The following APP variants were observed in gnomAD, a reference collection of about 807,000 sequenced individuals.
APP encodes the protein amyloid-beta precursor protein.
In APP, 31 loss-of-function variants were observed where a neutral mutation model predicts 101.4. The observed-to-expected ratio is 0.31, with a 90% CI of 0.23 to 0.41. The LOEUF is 0.41. Ranked by LOEUF, APP falls within the 10% of genes least tolerant of loss-of-function variation. The pLI is 1.00. For synonymous variants in APP, 366 were observed against 364.4 expected (o/e 1.00, Z -0.05); for missense variants, 839 against 1,003.7 (o/e 0.84, Z 2.22).
intron 1 of APP, among the ~76,000 whole-genome samples, chr21:26,122,858 T>C (rs1313207828): frequency 6.6e-6 from 1 of 152,036 alleles, no homozygotes; most frequent in African/African-American, 2.4e-5. Flanking sequence ...ACAAAAAGAA[T>C]TTACTCCGTG....
intron 2 of APP, among the ~76,000 whole-genome samples, chr21:26,109,283 T>G (rs1167981583): frequency 6.6e-6 from 1 of 152,192 alleles, no homozygotes; most frequent in Admixed American, 6.5e-5. Context: ...GTGTTGGAAG[T>G]GGGGTCTGGT....
intron 11 of APP, among the ~76,000 whole-genome samples, chr21:25,966,231 T>C (rs2041792158): frequency 6.6e-6 from 1 of 152,198 alleles, no homozygotes; most frequent in Non-Finnish European, 1.5e-5. Context: ...ATGTATACCA[T>C]TCAGCATAGT....
intron 5 of APP, among the ~76,000 whole-genome samples, chr21:26,045,514 T>C (rs1041660942): frequency 6.6e-6 from 1 of 152,258 alleles, no homozygotes; most frequent in Admixed American, 6.5e-5. Flanking sequence ...ATATTTACTA[T>C]GTTAACTCTT....
At chr21:25,957,013 C>A (rs2041351512) in intron 11 of APP, among the ~76,000 whole-genome samples, 1 of 152,166 alleles carries the variant, frequency 6.6e-6, no homozygotes, top group Non-Finnish European at 1.5e-5. Flanking sequence ...GTGCTTGACC[C>A]AGAGGGTGCT....
chr21:25,969,494 A>G (rs1034504883), intron 11 of APP, among the ~76,000 whole-genome samples: 1 of 152,202 alleles, frequency 6.6e-6, no homozygotes, highest in East Asian at 1.9e-4. Context: ...ATGGCAAGTA[A>G]TGCCCCCTAG....
At chr21:25,925,191 C>T (rs973476357) in intron 13 of APP, among the ~76,000 whole-genome samples, 3 of 151,468 alleles carry the variant, frequency 2.0e-5, no homozygotes, top group African/African-American at 7.3e-5. Flanking sequence ...CCACTTCCAG[C>T]TAGGCATTTT....
intron 17 of APP, among the ~76,000 whole-genome samples, chr21:25,883,304 G>A (rs1056942579): frequency 2.0e-5 from 3 of 152,140 alleles, no homozygotes; most frequent in Non-Finnish European, 4.4e-5. Flanking sequence ...TCCACAGGCG[G>A]AGGCAGGAGA....
Position 25,947,073 on chromosome 21 carries a change from A to C in APP, c.1687+7517T>G, listed in dbSNP as rs145273361. On this transcript the variant is annotated intron_variant, in intron 13 of 17. Coordinates refer to ENST00000346798, the MANE Select transcript of APP (RefSeq NM_000484.4). ...TATGGAGTAGAAATACATAAAAGAA[A>C]GTATCTGTTTGCCAATGGTAAAACT... is the stretch of plus-strand genomic sequence containing the variant. Among the ~76,000 whole-genome samples the C allele has an allele frequency of 1.2e-4, 18 of 152,360 alleles. No homozygotes were observed. The East Asian group carries it at 3.5e-3, about 29-fold the overall frequency.
chr21:25,905,490 T>C (rs911223248), intron 14 of APP, among the ~76,000 whole-genome samples: 3 of 152,238 alleles, frequency 2.0e-5, no homozygotes, highest in African/African-American at 7.2e-5. Context: ...TATCTTATTT[T>C]ACAGTTAATT....
At position 26,100,975 on chromosome 21, in the gene APP, G is replaced by A. The variant is rs183568764; in HGVS notation, c.226-10903C>T. Among the ~76,000 whole-genome samples the A allele has an allele frequency of 4.0e-3, 604 of 151,844 alleles. 7 individuals are homozygous for A. The highest frequency in any genetic ancestry group is 0.014 in the African/African-American group (583 of 41,380). On this transcript the variant is annotated intron_variant, in intron 2 of 17. Transcript: ENST00000346798. ...CTGCCCTGCAGTGTAAGTTACCAGA[G>A]ACATCAACACCTTCAAGAAGCCCCT...
At chr21:26,092,665 G>C (rs555456986) in intron 2 of APP, among the ~76,000 whole-genome samples, 1 of 152,302 alleles carries the variant, frequency 6.6e-6, no homozygotes, top group Admixed American at 6.5e-5. Flanking sequence ...TGAACCCTCA[G>C]GGAAACTATG....
chr21:25,900,522 T>A (rs999705655), intron 15 of APP, among the ~76,000 whole-genome samples: 11 of 151,928 alleles, frequency 7.2e-5, no homozygotes, highest in African/African-American at 2.7e-4. Context: ...ATTGTGCCAC[T>A]GCACTCCAGC....
intron 2 of APP, among the ~76,000 whole-genome samples, chr21:26,107,036 C>T (rs2062198175): frequency 1.3e-5 from 2 of 152,202 alleles, no homozygotes; most frequent in Admixed American, 1.3e-4. Context: ...TGTTGTCTTG[C>T]AGACCCTGAG....
chr21:26,142,677 C>T, intron 1 of APP, among the ~76,000 whole-genome samples: 1 of 151,974 alleles, frequency 6.6e-6, no homozygotes, highest in East Asian at 1.9e-4. Context: ...GCTGAGGTGG[C>T]AGCATCGCTT....
chr21:25,984,895 A>G (rs1487513182), intron 8 of APP, among the ~76,000 whole-genome samples: 4 of 152,218 alleles, frequency 2.6e-5, no homozygotes, highest in African/African-American at 4.8e-5. Flanking sequence ...GCTGATGAAG[A>G]TAGTCATCTG....
At chr21:26,080,233 T>C (rs2061569885) in intron 3 of APP, among the ~76,000 whole-genome samples, 1 of 152,208 alleles carries the variant, frequency 6.6e-6, no homozygotes, top group African/African-American at 2.4e-5. Flanking sequence ...TTGTAACACT[T>C]AATAATCTCA....
chr21:26,108,917 TA>T (rs2062247344), intron 2 of APP, among the ~76,000 whole-genome samples: 1 of 151,656 alleles, frequency 6.6e-6, no homozygotes, highest in Non-Finnish European at 1.5e-5. Context: ...AAAAAATAAA[TA>T]GATAAAAAAT....
intron 13 of APP, among the ~76,000 whole-genome samples, chr21:25,916,372 C>T (rs139284878): frequency 2.2e-4 from 34 of 152,294 alleles, no homozygotes; most frequent in African/African-American, 7.2e-4. Flanking sequence ...AATTCAATTT[C>T]GTCATCATAA....
intron 2 of APP, among the ~76,000 whole-genome samples, chr21:26,099,099 A>C (rs2062006408): frequency 6.6e-6 from 1 of 152,140 alleles, no homozygotes; most frequent in African/African-American, 2.4e-5. Context: ...AGCACTGAAA[A>C]TTTAAATAAA....
Sources: gnomAD v4.1 joint callset for allele counts (sites outside exome capture counted in the v4.1 genomes callset) on GRCh38, gnomAD v4.1.1 for gene constraint, MANE v1.5 for transcripts, NCBI Gene and HGNC (gene_info 2026-07-23, HGNC 2026-07-21) for gene names.